ARHGAP32: variants seen among roughly 807,000 people sequenced by gnomAD.
ARHGAP32 encodes the protein rho GTPase-activating protein 32.
In ARHGAP32, 51 loss-of-function variants were observed where a neutral mutation model predicts 186.5. The ratio of observed to expected loss-of-function variants is 0.27; its 90% CI spans 0.22 to 0.35. ARHGAP32 has a LOEUF of 0.35. Ranked by LOEUF, ARHGAP32 falls within the 10% of genes least tolerant of loss-of-function variation. ARHGAP32 has a pLI of 1.00. For missense variants in ARHGAP32, 2,186 were observed against 2,623.5 expected (o/e 0.83, Z 3.64); for synonymous variants, 950 against 964.3 (o/e 0.99, Z 0.27).
intron 2 of ARHGAP32, among the ~76,000 whole-genome samples, chr11:129,153,858 G>C (rs1182111642): frequency 1.3e-5 from 2 of 151,996 alleles, no homozygotes; most frequent in East Asian, 3.9e-4. Flanking sequence ...AAAAGCAAAT[G>C]CAACAAAAAC....
intron 1 of ARHGAP32, among the ~76,000 whole-genome samples, chr11:129,177,004 T>G (rs1190557457): frequency 6.7e-6 from 1 of 150,060 alleles, no homozygotes; most frequent in African/African-American, 2.4e-5. Flanking sequence ...AGGAGCTGGT[T>G]TTTTGAAAGG....
intron 11 of ARHGAP32, among the ~76,000 whole-genome samples, chr11:129,025,489 T>C (rs529801064): frequency 5.9e-5 from 9 of 152,250 alleles, no homozygotes; most frequent in African/African-American, 1.9e-4. Context: ...CTGCAGATTA[T>C]TGAATTTAGC....
intron 5 of ARHGAP32, among the ~76,000 whole-genome samples, chr11:129,111,051 T>C (rs1435534930): frequency 6.6e-6 from 1 of 152,200 alleles, no homozygotes. Context: ...AGTATGATGT[T>C]AGGTGTTGGT....
intron 1 of ARHGAP32, among the ~76,000 whole-genome samples, chr11:129,241,409 G>A (rs780768350): frequency 3.9e-5 from 6 of 152,082 alleles, no homozygotes; most frequent in Admixed American, 1.3e-4. Context: ...TTGGGAGGCC[G>A]AGGTGGGAGA....
intron 1 of ARHGAP32, among the ~76,000 whole-genome samples, chr11:129,228,922 G>A (rs931548105): frequency 6.6e-6 from 1 of 152,026 alleles, no homozygotes; most frequent in Non-Finnish European, 1.5e-5. Flanking sequence ...AATAATACAC[G>A]TAATTTTATT....
At chr11:129,164,260 T>C in intron 2 of ARHGAP32, 59 bp downstream of exon 2, 1 of 1,071,184 alleles carries the variant, frequency 9.3e-7, no homozygotes, top group Non-Finnish European at 1.3e-6. Flanking sequence ...CTTTTCCTTA[T>C]ATAAGTGCTA....
intron 15 of ARHGAP32, among the ~76,000 whole-genome samples, chr11:128,984,400 C>A (rs1368507938): frequency 6.6e-6 from 1 of 151,284 alleles, no homozygotes; most frequent in Non-Finnish European, 1.5e-5. Context: ...ATAGAAAACA[C>A]CCCATACCAC....
chr11:129,159,520 A>T (rs922350556), intron 2 of ARHGAP32, among the ~76,000 whole-genome samples: 2 of 152,146 alleles, frequency 1.3e-5, no homozygotes, highest in African/African-American at 4.8e-5. Context: ...TAAACTAGGA[A>T]GAAGTCGAAT....
intron 1 of ARHGAP32, among the ~76,000 whole-genome samples, chr11:129,218,655 G>C (rs1413105997): frequency 6.6e-6 from 1 of 152,112 alleles, no homozygotes; most frequent in African/African-American, 2.4e-5. Flanking sequence ...GACAGAACGG[G>C]GGAAAGGAGC....
intron 10 of ARHGAP32, among the ~76,000 whole-genome samples, chr11:129,051,453 G>A (rs1940038295): frequency 6.6e-6 from 1 of 152,172 alleles, no homozygotes; most frequent in African/African-American, 2.4e-5. Context: ...TTTGAGAAGT[G>A]TCTGTTTATA....
intron 15 of ARHGAP32, among the ~76,000 whole-genome samples, chr11:128,984,845 T>C (rs940951255): frequency 6.6e-6 from 1 of 151,696 alleles, no homozygotes; most frequent in East Asian, 1.9e-4. Context: ...TTATTGAACA[T>C]CTATCTGCAA....
At chr11:129,230,174 A>G (rs921879670) in intron 1 of ARHGAP32, among the ~76,000 whole-genome samples, 1 of 152,038 alleles carries the variant, frequency 6.6e-6, no homozygotes, top group East Asian at 1.9e-4. Context: ...GAATTGGGAC[A>G]TTGGGTGGCA....
At chr11:129,245,656 AAAT>A (rs56047154) in intron 1 of ARHGAP32, among the ~76,000 whole-genome samples, 12,426 of 146,056 alleles carry the variant, frequency 0.085, 607 homozygotes, top group Middle Eastern at 0.12. Flanking sequence ...CAACAGATTA[AAAT>A]AATAATAATA....
intron 6 of ARHGAP32, among the ~76,000 whole-genome samples, 153 bp downstream of exon 6, chr11:129,093,468 T>C (rs1941638914): frequency 6.6e-6 from 1 of 152,138 alleles, no homozygotes; most frequent in Non-Finnish European, 1.5e-5. Flanking sequence ...TTTCTTACAA[T>C]AGTCATTATT....
chr11:128,987,547 T>C (rs1159628428), intron 13 of ARHGAP32, among the ~76,000 whole-genome samples: 3 of 152,038 alleles, frequency 2.0e-5, no homozygotes, highest in Non-Finnish European at 4.4e-5. Flanking sequence ...TAAGCAAAAA[T>C]AAAATATTGC....
At chr11:129,234,170 ACTAT>A (rs1247979929) in intron 1 of ARHGAP32, among the ~76,000 whole-genome samples, 2 of 152,138 alleles carry the variant, frequency 1.3e-5, no homozygotes, top group Non-Finnish European at 2.9e-5. Flanking sequence ...TTACTGACAA[ACTAT>A]CTAACATTAA....
intron 1 of ARHGAP32, 135 bp from the exon 2 acceptor site, chr11:129,164,562 G>A: frequency 1.7e-6 from 1 of 581,942 alleles, no homozygotes; most frequent in Non-Finnish European, 3.0e-6. Context: ...CTGAATAGCA[G>A]TGATCCTTTA....
intron 12 of ARHGAP32, among the ~76,000 whole-genome samples, chr11:128,988,701 A>G (rs1945950009): frequency 6.6e-6 from 1 of 152,186 alleles, no homozygotes; most frequent in African/African-American, 2.4e-5. Context: ...AACAGATGGA[A>G]TCTTGTAATT....
chr11:129,220,905 A>G (rs1013902529), intron 1 of ARHGAP32, among the ~76,000 whole-genome samples: 1 of 152,192 alleles, frequency 6.6e-6, no homozygotes, highest in Non-Finnish European at 1.5e-5. Flanking sequence ...ACACATTACA[A>G]TTCCCTAAGG....
Sources: allele counts gnomAD v4.1 joint callset (sites outside exome capture counted in the v4.1 genomes callset), GRCh38; gene constraint gnomAD v4.1.1; transcripts MANE v1.5; gene names NCBI Gene and HGNC (gene_info 2026-07-23, HGNC 2026-07-21).